Variants in PHACTR3 observed in about 807,000 individuals in gnomAD.
PHACTR3 encodes protein phosphatase 1, regulatory subunit 123.
PHACTR3 carries 16 observed loss-of-function variants against 66.8 expected under a neutral mutation model. That is an observed-to-expected ratio of 0.24 (90% CI 0.16 to 0.36). The LOEUF (loss-of-function observed/expected upper bound fraction) is 0.36, where lower values mean the gene tolerates loss of function less well. PHACTR3 is among the 10% of genes least tolerant of loss of function. PHACTR3 has a pLI of 1.00. For synonymous variants in PHACTR3, 323 were observed against 292.1 expected (o/e 1.11, Z -1.08); for missense variants, 647 against 719.9 (o/e 0.90, Z 1.16).
At chr20:59,701,240 T>C (rs1309444948) in intron 1 of PHACTR3, among the ~76,000 whole-genome samples, 1 of 152,252 alleles carries the variant, frequency 6.6e-6, no homozygotes, top group Non-Finnish European at 1.5e-5. Flanking sequence ...GCTGAGTGCC[T>C]GGCCCGTGTC....
intron 7 of PHACTR3, among the ~76,000 whole-genome samples, chr20:59,800,282 T>C (rs2041372968): frequency 1.3e-5 from 2 of 152,242 alleles, no homozygotes; most frequent in Non-Finnish European, 2.9e-5. Context: ...CAGGTTTCTA[T>C]TGGCTATCAT....
chr20:59,821,834 TC>T (rs996346886), intron 8 of PHACTR3, among the ~76,000 whole-genome samples: 10 of 151,084 alleles, frequency 6.6e-5, no homozygotes, highest in African/African-American at 2.2e-4. Flanking sequence ...AATGCCCCAT[TC>T]CTGACCCTCC....
chr20:59,620,057 C>A (rs369194377), intron 1 of PHACTR3, among the ~76,000 whole-genome samples: 10 of 152,186 alleles, frequency 6.6e-5, no homozygotes, highest in African/African-American at 2.4e-4. Context: ...TCCCTGGCTT[C>A]TCACACTCAC....
chr20:59,777,067 T>C (rs79244891), intron 7 of PHACTR3, among the ~76,000 whole-genome samples: 2,034 of 152,268 alleles, frequency 0.013, 45 homozygotes, highest in African/African-American at 0.047. Context: ...TCCCTGCGAG[T>C]GCTCCAAGGA....
rs1475306565 is a variant in PHACTR3, at chr20:59,847,169, A to G, written c.*39A>G. ...AGAAGAATTTGTGTTTAATTTTTTG[A>G]TACCAACACTGAACATTCATCAGGG... On this transcript the variant is annotated 3_prime_UTR_variant, in exon 13 of 13. Transcript: ENST00000371015. The G allele has an allele frequency of 1.4e-6, 2 of 1,453,958 alleles. No homozygotes were observed. Among genetic ancestry groups the G allele is most frequent in the Admixed American group, 3.4e-5 (2 of 59,034 alleles). 90.1% of individuals were successfully genotyped at this position (1,453,958 alleles called of 1,614,324 possible).
chr20:59,606,711 G>C (rs1299208478), intron 1 of PHACTR3, among the ~76,000 whole-genome samples: 5 of 152,104 alleles, frequency 3.3e-5, no homozygotes, highest in African/African-American at 1.2e-4. Context: ...TGGCTTTTTG[G>C]CTGTATGTGA....
At position 59,655,938 on chromosome 20, in the gene PHACTR3, A is replaced by G. The variant is rs1438192244; in HGVS notation, c.118+50806A>G. Among the ~76,000 whole-genome samples, 3 of 151,830 alleles carry G rather than the reference A, an allele frequency of 2.0e-5. No homozygotes were observed. In the East Asian group the frequency reaches 5.8e-4, roughly 29 times the overall value. On this transcript the variant is annotated intron_variant, in intron 1 of 12. Coordinates refer to ENST00000371015, the MANE Select transcript of PHACTR3 (RefSeq NM_080672.5). ...TAGGGCCATATTGTTTAATTTCCAT[A>G]TGTTTGTGAATCCCCTAAGTTTCTT... is the stretch of plus-strand genomic sequence containing the variant.
chr20:59,789,378 G>T (rs1024913723), intron 7 of PHACTR3, among the ~76,000 whole-genome samples: 3 of 152,240 alleles, frequency 2.0e-5, no homozygotes, highest in African/African-American at 7.2e-5. Context: ...TACAGACTTA[G>T]CAGAGATTGC....
At chr20:59,650,184 A>C (rs1436571356) in intron 1 of PHACTR3, among the ~76,000 whole-genome samples, 2 of 152,186 alleles carry the variant, frequency 1.3e-5, no homozygotes, top group Non-Finnish European at 2.9e-5. Context: ...ATAAATTCAA[A>C]AATTCAGAGA....
intron 1 of PHACTR3, among the ~76,000 whole-genome samples, chr20:59,619,106 A>G (rs778678671): frequency 3.3e-5 from 5 of 152,110 alleles, no homozygotes; most frequent in Admixed American, 1.3e-4. Flanking sequence ...GAGAATTGCT[A>G]TATGAAGACC....
intron 1 of PHACTR3, among the ~76,000 whole-genome samples, chr20:59,672,812 G>A (rs1480195584): frequency 6.6e-6 from 1 of 152,200 alleles, no homozygotes; most frequent in Non-Finnish European, 1.5e-5. Context: ...CCGCAGCAAA[G>A]TTTTAGGAAG....
At chr20:59,776,902 G>T (rs924506003) in intron 7 of PHACTR3, among the ~76,000 whole-genome samples, 4 of 152,172 alleles carry the variant, frequency 2.6e-5, no homozygotes, top group Non-Finnish European at 5.9e-5. Flanking sequence ...GACGCCTCCT[G>T]CTCAGCCAGG....
At position 59,622,537 on chromosome 20, in the gene PHACTR3, A is replaced by G. The variant is rs1450454073; in HGVS notation, c.118+17405A>G. Among the ~76,000 whole-genome samples, 3 of 152,170 alleles carry G rather than the reference A, an allele frequency of 2.0e-5. No homozygotes were observed. The South Asian group carries it at 6.2e-4, about 32-fold the overall frequency. On this transcript the variant is annotated intron_variant, in intron 1 of 12. Coordinates refer to ENST00000371015, the MANE Select transcript of PHACTR3 (RefSeq NM_080672.5). ...TGCTGGCCCTGCTGACACAGCAGCC[A>G]TCTCCTGGTTTGCGATGGACACTAT...
intron 7 of PHACTR3, among the ~76,000 whole-genome samples, chr20:59,788,802 C>T (rs567443602): frequency 1.3e-5 from 2 of 152,316 alleles, no homozygotes; most frequent in South Asian, 2.1e-4. Flanking sequence ...TCATACTCAG[C>T]TAATGTCATC....
chr20:59,701,278 G>T, intron 1 of PHACTR3, among the ~76,000 whole-genome samples: 1 of 152,206 alleles, frequency 6.6e-6, no homozygotes, highest in Non-Finnish European at 1.5e-5. Context: ...ATCCTTGTGA[G>T]GCTGAGATCA....
At chr20:59,677,280 A>G (rs2036481838) in intron 1 of PHACTR3, among the ~76,000 whole-genome samples, 1 of 152,190 alleles carries the variant, frequency 6.6e-6, no homozygotes, top group Non-Finnish European at 1.5e-5. Context: ...ATTTAGTGTC[A>G]GGAACATATG....
intron 1 of PHACTR3, among the ~76,000 whole-genome samples, chr20:59,585,546 G>T (rs957157372): frequency 1.3e-4 from 20 of 152,192 alleles, no homozygotes; most frequent in Non-Finnish European, 2.2e-4. Flanking sequence ...TAATCACCCT[G>T]TTCACTCTCT....
At chr20:59,699,162 C>T (rs940326773) in intron 1 of PHACTR3, among the ~76,000 whole-genome samples, 1 of 152,144 alleles carries the variant, frequency 6.6e-6, no homozygotes, top group Non-Finnish European at 1.5e-5. Context: ...GTGCAGAGCC[C>T]ATTGGTGACT....
chr20:59,726,166 G>A (rs1186999207), intron 1 of PHACTR3, among the ~76,000 whole-genome samples: 9 of 152,172 alleles, frequency 5.9e-5, no homozygotes, highest in Admixed American at 3.9e-4. Context: ...TTAATTTAGG[G>A]TAATTTTAAG....
Sources: gnomAD v4.1 joint callset for allele counts (sites outside exome capture counted in the v4.1 genomes callset) on GRCh38, gnomAD v4.1.1 for gene constraint, MANE v1.5 for transcripts, NCBI Gene and HGNC (gene_info 2026-07-23, HGNC 2026-07-21) for gene names.